Variants in PTPRD observed in about 807,000 individuals in gnomAD.
The protein encoded by PTPRD is protein tyrosine phosphatase receptor type D.
Under a neutral mutation model 214.5 loss-of-function variants are expected in PTPRD, and 34 were observed. The observed-to-expected ratio is 0.16, with a 90% CI of 0.12 to 0.21. The LOEUF is 0.21. Among genes scored for constraint, PTPRD ranks in the 10% least tolerant of loss-of-function variants. PTPRD has a pLI of 1.00. For missense variants in PTPRD, 2,545 were observed against 2,398.7 expected, an observed-to-expected ratio of 1.06 and a Z score of -1.27; for synonymous variants, 1,128 against 845.7, an observed-to-expected ratio of 1.33 and a Z score of -5.79.
At chr9:9,170,185 A>C (rs1345260527) in intron 10 of PTPRD, among the ~76,000 whole-genome samples, 4 of 152,174 alleles carry the variant, frequency 2.6e-5, no homozygotes, top group Non-Finnish European at 5.9e-5. Context: ...CCAGAGGAGC[A>C]ATTTTAGATC....
intron 12 of PTPRD, among the ~76,000 whole-genome samples, chr9:8,724,151 T>A (rs2098532520): frequency 1.3e-5 from 2 of 152,176 alleles, no homozygotes; most frequent in Non-Finnish European, 2.9e-5. Flanking sequence ...AACTTCATGA[T>A]TAAAAAGTGA....
At chr9:8,786,704 C>A (rs895035753) in intron 11 of PTPRD, among the ~76,000 whole-genome samples, 6 of 150,796 alleles carry the variant, frequency 4.0e-5, no homozygotes, top group African/African-American at 1.5e-4. Flanking sequence ...CATGAGCCAT[C>A]ACACCCAGTC....
chr9:10,055,505 G>C (rs970701263), intron 3 of PTPRD, among the ~76,000 whole-genome samples: 3 of 151,934 alleles, frequency 2.0e-5, no homozygotes, highest in Non-Finnish European at 2.9e-5. Context: ...GCTTTCCTGA[G>C]GCCACAAATC....
At chr9:9,588,610 A>G (rs2092365000) in intron 7 of PTPRD, among the ~76,000 whole-genome samples, 1 of 152,078 alleles carries the variant, frequency 6.6e-6, no homozygotes, top group African/African-American at 2.4e-5. Flanking sequence ...AAAGTTGCAC[A>G]GAAATAATTA....
intron 11 of PTPRD, among the ~76,000 whole-genome samples, chr9:8,756,859 G>T (rs1042107854): frequency 2.0e-5 from 3 of 152,098 alleles, no homozygotes; most frequent in African/African-American, 7.2e-5. Flanking sequence ...CTATAAACCA[G>T]GCCAGGCGCT....
At chr9:8,338,806 A>G in intron 43 of PTPRD, 116 bp downstream of exon 43, 2 of 943,364 alleles carry the variant, frequency 2.1e-6, no homozygotes, top group South Asian at 6.0e-5. Flanking sequence ...AGAATGAATG[A>G]TTTCTCTTTG....
chr9:9,524,634 GTCTCAGA>G (rs1417475999), intron 8 of PTPRD, among the ~76,000 whole-genome samples: 2 of 151,976 alleles, frequency 1.3e-5, no homozygotes, highest in African/African-American at 4.8e-5. Flanking sequence ...CACCATATTG[GTCTCAGA>G]TCTATGAGAA....
At chr9:8,715,455 T>C (rs1182707419) in intron 12 of PTPRD, among the ~76,000 whole-genome samples, 2 of 152,146 alleles carry the variant, frequency 1.3e-5, no homozygotes, top group Non-Finnish European at 2.9e-5. Context: ...GTAGAATATA[T>C]AGAAGCTGCA....
At chr9:9,092,881 C>T (rs1421227393) in intron 10 of PTPRD, among the ~76,000 whole-genome samples, 2 of 151,804 alleles carry the variant, frequency 1.3e-5, no homozygotes, top group Non-Finnish European at 2.9e-5. Flanking sequence ...AATTAAAATA[C>T]AGAAATTTTC....
At chr9:9,459,515 C>T (rs920501379) in intron 8 of PTPRD, among the ~76,000 whole-genome samples, 14 of 151,988 alleles carry the variant, frequency 9.2e-5, no homozygotes, top group Non-Finnish European at 1.8e-4. Flanking sequence ...TTTCAAGATA[C>T]AAAATTAATA....
chr9:10,306,679 C>G (rs1051462159), intron 3 of PTPRD, among the ~76,000 whole-genome samples: 7 of 152,024 alleles, frequency 4.6e-5, no homozygotes, highest in Non-Finnish European at 7.4e-5. Flanking sequence ...ATGTGTTGCT[C>G]TTTATATCCA....
chr9:8,331,453 C>G, intron 44 of PTPRD, 129 bp downstream of exon 44: 9 of 1,052,368 alleles, frequency 8.6e-6, no homozygotes, highest in Non-Finnish European at 1.2e-5. Context: ...GAAATCAATC[C>G]TGCTTTAAGT....
At chr9:10,182,898 A>G (rs2099308456) in intron 3 of PTPRD, among the ~76,000 whole-genome samples, 1 of 152,162 alleles carries the variant, frequency 6.6e-6, no homozygotes, top group East Asian at 1.9e-4. Context: ...ACAGCAGTTA[A>G]ATGACACCAT....
intron 10 of PTPRD, among the ~76,000 whole-genome samples, chr9:9,112,975 T>G (rs531262085): frequency 2.8e-4 from 43 of 151,792 alleles, no homozygotes; most frequent in Admixed American, 1.6e-3. Flanking sequence ...TTTCTTTTTT[T>G]TTTGTTTGAG....
intron 2 of PTPRD, among the ~76,000 whole-genome samples, chr9:10,571,818 T>G (rs2067542071): frequency 1.3e-5 from 2 of 152,166 alleles, no homozygotes; most frequent in South Asian, 4.2e-4. Flanking sequence ...ACATGAGCAG[T>G]TCACAATAGG....
At position 9,600,812 on chromosome 9, in the gene PTPRD, G is replaced by T. The variant is rs76012953; in HGVS notation, c.-286-26031C>A. Among the ~76,000 whole-genome samples, 340 of 152,166 alleles carry T rather than the reference G, an allele frequency of 2.2e-3. 13 individuals carry two copies. In the East Asian group the frequency reaches 0.048, roughly 21 times the overall value. ...ATTTAAAATCCTTTTGTACTAAAAT[G>T]TTACTGGTCTGGCTTCTAAATAGTT... is the stretch of plus-strand genomic sequence containing the variant. On this transcript the variant is annotated intron_variant, in intron 7 of 45. Transcript: ENST00000381196.
chr9:10,019,033 C>T (rs542605232), intron 4 of PTPRD, among the ~76,000 whole-genome samples: 3 of 152,166 alleles, frequency 2.0e-5, no homozygotes, highest in African/African-American at 4.8e-5. Flanking sequence ...ACTCATCTGA[C>T]AAAGGGCTAA....
intron 9 of PTPRD, among the ~76,000 whole-genome samples, chr9:9,335,909 A>G (rs972097187): frequency 8.5e-5 from 13 of 152,148 alleles, no homozygotes; most frequent in African/African-American, 3.1e-4. Context: ...ACAAGGGAGT[A>G]TGATAACATA....
chr9:10,338,445 G>C (rs564150842), intron 3 of PTPRD, among the ~76,000 whole-genome samples: 2 of 151,690 alleles, frequency 1.3e-5, no homozygotes, highest in African/African-American at 2.4e-5. Flanking sequence ...AGCCAATAAT[G>C]CATTTCAACA....
Sources: gnomAD v4.1 joint callset for allele counts (sites outside exome capture counted in the v4.1 genomes callset) on GRCh38, gnomAD v4.1.1 for gene constraint, MANE v1.5 for transcripts, NCBI Gene and HGNC (gene_info 2026-07-23, HGNC 2026-07-21) for gene names.